Variants in RHOQ observed in about 807,000 individuals in gnomAD.
RHOQ encodes ras homolog family member Q, also known as rho-related GTP-binding protein RhoQ.
RHOQ carries 7 observed loss-of-function variants against 25.8 expected under a neutral mutation model. The observed-to-expected ratio is 0.27, with a 90% CI of 0.15 to 0.51. The LOEUF (loss-of-function observed/expected upper bound fraction) is 0.51, where lower values mean the gene tolerates loss of function less well. Ranked by LOEUF, RHOQ falls within the 20% of genes least tolerant of loss-of-function variation. The probability of loss-of-function intolerance (pLI) is 0.97; values close to 1 mark genes in which losing one functional copy is unlikely to be tolerated. For missense variants in RHOQ, 165 were observed against 260.6 expected (o/e 0.63, Z 2.53); for synonymous variants, 97 against 98.6 (o/e 0.98, Z 0.10).
intron 2 of RHOQ, among the ~76,000 whole-genome samples, chr2:46,574,254 C>T (rs372103781): frequency 6.6e-6 from 1 of 152,152 alleles, no homozygotes; most frequent in South Asian, 2.1e-4. Flanking sequence ...AATGAGAACA[C>T]CCCATTTCCC....
Position 46,573,065 on chromosome 2 carries a change from A to AT in RHOQ, c.202-3006dup, listed in dbSNP as rs35844392. Among the ~76,000 whole-genome samples, 166 of 142,974 alleles carry AT rather than the reference A, an allele frequency of 1.2e-3. 2 individuals carry two copies. In the South Asian group the frequency reaches 0.015, roughly 13 times the overall value. 93.8% of individuals were successfully genotyped at this position (142,974 alleles called of 152,430 possible). Reference sequence around the variant, plus strand: ...GGTCTCATTCTTGTACTAACTGCCGATTTTTTTTTTTTTTTTGAGACGGAG... The same window carrying AT: ...GGTCTCATTCTTGTACTAACTGCCGATTTTTTTTTTTTTTTTTGAGACGGAG... On this transcript the variant is annotated intron_variant, in intron 2 of 4. Transcript: ENST00000238738.
intron 2 of RHOQ, among the ~76,000 whole-genome samples, chr2:46,573,063 CG>C (rs1331617851): frequency 3.3e-5 from 4 of 119,602 alleles, no homozygotes; most frequent in African/African-American, 1.5e-4. Context: ...TACTAACTGC[CG>C]ATTTTTTTTT....
At chr2:46,571,558 G>A (rs551825796) in intron 2 of RHOQ, among the ~76,000 whole-genome samples, 2 of 152,188 alleles carry the variant, frequency 1.3e-5, no homozygotes, top group East Asian at 1.9e-4. Context: ...CACTGTTCTG[G>A]GCACATAGTA....
In RHOQ at chr2:46,583,713, T is replaced by C. The variant is rs1453812726; in HGVS notation, c.*2630T>C. On this transcript the variant is annotated 3_prime_UTR_variant, in exon 5 of 5. Coordinates refer to ENST00000238738, the MANE Select transcript of RHOQ (RefSeq NM_012249.4). The stretch of plus-strand genomic sequence containing the variant: ...TCTTCATTCAAAGCTTAGGCTTCAA[T>C]AGAAATTCAGACTAATCACTGAAAT... Among the ~76,000 whole-genome samples the C allele has an allele frequency of 2.0e-5, 3 of 152,332 alleles. No homozygotes were observed. Among genetic ancestry groups the C allele is most frequent in the Non-Finnish European group, 4.4e-5 (3 of 68,006 alleles).
In RHOQ at chr2:46,582,517, G is replaced by GTGTT. The variant is rs1053480475; in HGVS notation, c.*1435_*1438dup. ...CAGATAATGGATGCATCAGATAATG[G>GTGTT]TGTTAGACAAAGCTTCATTGTGAAC... On this transcript the variant is annotated 3_prime_UTR_variant, in exon 5 of 5. Transcript: ENST00000238738. The GTGTT allele has an allele frequency of 1.3e-5, 2 of 152,250 alleles. No individual in the cohort carries two copies. The highest frequency in any genetic ancestry group is 4.8e-5 in the African/African-American group (2 of 41,452). 9.4% of individuals were successfully genotyped at this position (152,250 alleles called of 1,614,324 possible). A position where few individuals can be genotyped will look rare whatever the true frequency, so the allele number is the denominator to read the frequency against.
chr2:46,584,446 TG>T lies in RHOQ; in HGVS notation c.*3364del, dbSNP rs1218403077. ...TAGATTCCAATTTGGGTTACTAAAT[TG>T]TATTTTAATCATTTTGTAATTTCAG... On this transcript the variant is annotated 3_prime_UTR_variant, in exon 5 of 5. Coordinates refer to ENST00000238738, the MANE Select transcript of RHOQ (RefSeq NM_012249.4). Among the ~76,000 whole-genome samples the T allele has an allele frequency of 6.6e-6, 1 of 152,186 alleles. No homozygotes were observed. The highest frequency in any genetic ancestry group is 2.4e-5 in the African/African-American group (1 of 41,442).
At chr2:46,568,202 A>G (rs549756782) in intron 2 of RHOQ, 8 of 152,362 alleles carry the variant, frequency 5.3e-5, no homozygotes, top group Admixed American at 2.0e-4. Context: ...ATGCAAACCT[A>G]CCTTCAAAGG....
chr2:46,545,552 A>C (rs923859988), intron 2 of RHOQ, among the ~76,000 whole-genome samples: 3 of 152,124 alleles, frequency 2.0e-5, no homozygotes, highest in Non-Finnish European at 4.4e-5. Flanking sequence ...CAACCCCATG[A>C]GATAGGTGGT....
In RHOQ at chr2:46,544,426, G is replaced by A. The variant is rs1667980866; in HGVS notation, c.201+614G>A. ...GGGTTAGGAGTTTAGAGTGAATCTTGGAGGAGGAGGGGTTCCCCCCGGCCC... is the reference window on the plus strand; with the variant it reads ...GGGTTAGGAGTTTAGAGTGAATCTTAGAGGAGGAGGGGTTCCCCCCGGCCC... On this transcript the variant is annotated intron_variant, in intron 2 of 4. Coordinates refer to ENST00000238738, the MANE Select transcript of RHOQ (RefSeq NM_012249.4). 2.0e-5 allele frequency among the ~76,000 whole-genome samples: 3 copies of A among 152,190 alleles called. No homozygotes were observed. The South Asian group carries it at 6.2e-4, about 32-fold the overall frequency.
chr2:46,574,893 T>A lies in RHOQ; in HGVS notation c.202-1194T>A, dbSNP rs575569691. 9.3e-4 allele frequency among the ~76,000 whole-genome samples: 141 copies of A among 152,326 alleles called. 1 individual carries two copies. The highest frequency in any genetic ancestry group is 4.1e-3 in the South Asian group (20 of 4,828). On this transcript the variant is annotated intron_variant, in intron 2 of 4. Coordinates refer to ENST00000238738, the MANE Select transcript of RHOQ (RefSeq NM_012249.4). ...TTTAATATTCCCTTAGTTCCACATTTGTGTAGTTCTGTAGTGAAACGAGTC... is the reference window on the plus strand; with the variant it reads ...TTTAATATTCCCTTAGTTCCACATTAGTGTAGTTCTGTAGTGAAACGAGTC...
intron 1 of RHOQ, chr2:46,543,441 C>T: frequency 1.7e-6 from 1 of 601,430 alleles, no homozygotes; most frequent in Non-Finnish European, 2.9e-6. Flanking sequence ...GCGCCCTGGG[C>T]CGTCCTCCTT....
At chr2:46,572,828 A>C (rs1393147891) in intron 2 of RHOQ, 1 of 429,164 alleles carries the variant, frequency 2.3e-6, no homozygotes, top group Non-Finnish European at 4.6e-6. Context: ...TGTGTTCTCA[A>C]ATTTAAAATA....
intron 2 of RHOQ, among the ~76,000 whole-genome samples, chr2:46,553,108 A>G (rs1487844151): frequency 6.6e-6 from 1 of 152,166 alleles, no homozygotes; most frequent in East Asian, 1.9e-4. Flanking sequence ...CCTCTGAATG[A>G]AAAACTAAGA....
intron 2 of RHOQ, among the ~76,000 whole-genome samples, chr2:46,551,321 C>A (rs759814286): frequency 2.6e-5 from 4 of 152,154 alleles, no homozygotes; most frequent in African/African-American, 9.7e-5. Context: ...CTCCTCTACT[C>A]CACCCGATGT....
At chr2:46,567,718 G>A (rs891123201) in intron 2 of RHOQ, among the ~76,000 whole-genome samples, 6 of 152,042 alleles carry the variant, frequency 3.9e-5, no homozygotes, top group South Asian at 2.1e-4. Flanking sequence ...ACAAAATAAA[G>A]TTCAATCTTT....
intron 4 of RHOQ, among the ~76,000 whole-genome samples, chr2:46,578,895 C>CGTGT (rs4035765): frequency 3.3e-5 from 5 of 151,388 alleles, no homozygotes; most frequent in African/African-American, 9.7e-5. Context: ...TCATTTCACT[C>CGTGT]GTGTGTGTGT....
chr2:46,574,697 CT>C (rs1429771684), intron 2 of RHOQ, among the ~76,000 whole-genome samples: 1 of 152,134 alleles, frequency 6.6e-6, no homozygotes, highest in Non-Finnish European at 1.5e-5. Flanking sequence ...TAGGTGTGCC[CT>C]TCAAAAGCAT....
chr2:46,553,288 A>G (rs1459509021), intron 2 of RHOQ, among the ~76,000 whole-genome samples: 1 of 151,628 alleles, frequency 6.6e-6, no homozygotes, highest in Non-Finnish European at 1.5e-5. Context: ...CTGTCCCTGG[A>G]GTGCAGAGAA....
chr2:46,562,195 C>T (rs981206353), intron 2 of RHOQ, among the ~76,000 whole-genome samples: 12 of 152,082 alleles, frequency 7.9e-5, no homozygotes, highest in Non-Finnish European at 1.8e-4. Context: ...TTGAAACTCC[C>T]TCATCCCCAC....
Sources: gnomAD v4.1 joint callset for allele counts (sites outside exome capture counted in the v4.1 genomes callset) on GRCh38, gnomAD v4.1.1 for gene constraint, MANE v1.5 for transcripts, NCBI Gene and HGNC (gene_info 2026-07-23, HGNC 2026-07-21) for gene names.